GBP1: variants seen among roughly 807,000 people sequenced by gnomAD.
GBP1 encodes guanylate-binding protein 1.
GBP1 carries 64 observed loss-of-function variants against 69.5 expected under a neutral mutation model. The ratio of observed to expected loss-of-function variants is 0.92; its 90% confidence interval spans 0.75 to 1.13. The LOEUF (loss-of-function observed/expected upper bound fraction) is 1.13, where lower values mean the gene tolerates loss of function less well. Among genes scored for constraint, GBP1 ranks in the 50% most tolerant of loss-of-function variants. The pLI is 0.00. For missense variants in GBP1, 630 were observed against 704.1 expected, an observed-to-expected ratio of 0.89 and a Z score of 1.19; for synonymous variants, 250 against 261.2, an observed-to-expected ratio of 0.96 and a Z score of 0.41.
At chr1:89,064,199 ATGTGTGTGTGTGTGTGTGTGTGTGTG>A in intron 1 of GBP1, among the ~76,000 whole-genome samples, 1 of 100,812 alleles carries the variant, frequency 9.9e-6, no homozygotes, top group Non-Finnish European at 2.0e-5. Context: ...GGGGCTGGGA[ATGTGTGTGTGTGTGTGTGTGTGTGTG>A]TGTGTGTGTG....
intron 6 of GBP1, 121 bp downstream of exon 6, chr1:89,057,871 T>C (rs1680083514): frequency 9.1e-7 from 1 of 1,100,730 alleles, no homozygotes; most frequent in Non-Finnish European, 1.3e-6. Context: ...ATTGGTGCCA[T>C]CTAGAATTTA....
intron 1 of GBP1, among the ~76,000 whole-genome samples, chr1:89,063,681 A>T (rs1680260547): frequency 6.6e-6 from 1 of 152,226 alleles, no homozygotes; most frequent in South Asian, 2.1e-4. Flanking sequence ...TCATAGTTTG[A>T]TGTTTACCCT....
rs757886801 is a variant in GBP1, at chr1:89,054,689, T to C, written c.1658A>G (p.Lys553Arg). ...LKEQERTLAL[K>R]LQEQEQLLKE... ...GGTGATGCAATTAGATACCTGAAGT[T>C]TAAGAGCGAGGGTCCTCTCTTGCTC... The change falls in exon 10 of 11, where the codon AAA becomes AGA. Residue 553 changes from lysine to arginine, a missense_variant. Physicochemically the swap from Lys to Arg is conservative, Grantham distance 26 (BLOSUM62 2). Around this residue, in one of 5 missense-constraint regions of GBP1, gnomAD observed 71 missense variants for 72.7 expected, o/e 0.98. Transcript: ENST00000370473. The C allele has an allele frequency of 6.2e-7, 1 of 1,613,496 alleles. No homozygotes were observed. The highest frequency in any genetic ancestry group is 8.5e-7 in the Non-Finnish European group (1 of 1,179,610).
chr1:89,059,227 T>G, intron 4 of GBP1, 90 bp downstream of exon 4: 6 of 1,613,432 alleles, frequency 3.7e-6, no homozygotes, highest in Non-Finnish European at 5.1e-6. Flanking sequence ...CTTTTGAGCT[T>G]GATTCATCAG....
At chr1:89,053,523 AT>A in intron 10 of GBP1, 55 bp from the exon 11 acceptor site, 1 of 1,575,508 alleles carries the variant, frequency 6.3e-7, no homozygotes, top group Non-Finnish European at 8.6e-7. Flanking sequence ...AAATTGAAAC[AT>A]TCTATCTGGT....
rs1345657272 is a variant in GBP1, at chr1:89,052,504, T to A, written c.*851A>T. 1.3e-5 allele frequency: 2 copies of A among 152,166 alleles called. No homozygotes were observed. The highest frequency in any genetic ancestry group is 2.9e-5 in the Non-Finnish European group (2 of 68,030). 9.4% of individuals were successfully genotyped at this position (152,166 alleles called of 1,614,324 possible). ...AACTCAGAAAGTTTTCAAGTATGAG[T>A]GTTAAGAGTTAGAAAAGACTATCAT... On this transcript the variant is annotated 3_prime_UTR_variant, in exon 11 of 11. Coordinates refer to ENST00000370473, the MANE Select transcript of GBP1 (RefSeq NM_002053.3).
intron 5 of GBP1, 59 bp downstream of exon 5, chr1:89,058,782 A>G: frequency 1.3e-6 from 2 of 1,584,862 alleles, no homozygotes; most frequent in Non-Finnish European, 1.7e-6. Flanking sequence ...TAGTAAACTG[A>G]AAAATGATAA....
At chr1:89,057,620 T>C (rs952977026) in intron 6 of GBP1, among the ~76,000 whole-genome samples, 6 of 152,256 alleles carry the variant, frequency 3.9e-5, no homozygotes, top group African/African-American at 1.4e-4. Context: ...TATGTGCTTT[T>C]CAGTGTGCTA....
intron 7 of GBP1, 105 bp from the exon 8 acceptor site, chr1:89,056,333 A>G: frequency 1.3e-6 from 2 of 1,567,618 alleles, no homozygotes; most frequent in South Asian, 1.1e-5. Context: ...ATGATGCTGG[A>G]GAAACTGACA....
intron 2 of GBP1, 48 bp from the exon 3 acceptor site, chr1:89,060,372 T>G: frequency 6.8e-7 from 1 of 1,471,002 alleles, no homozygotes; most frequent in African/African-American, 1.4e-5. Flanking sequence ...TAACAGGCAG[T>G]TCTGGCAATT....
Position 89,053,195 on chromosome 1 carries a change from TAAGA to T in GBP1, c.*156_*159del. On this transcript the variant is annotated 3_prime_UTR_variant, in exon 11 of 11. Coordinates refer to ENST00000370473, the MANE Select transcript of GBP1 (RefSeq NM_002053.3). ...ACAATTTACAGTCTTTTTTTTTTTT[TAAGA>T]AAAAACATGATTTTGATCATTGTAC... 2.0e-6 allele frequency: 1 copy of T among 506,544 alleles called. No homozygotes were observed. Among genetic ancestry groups the T allele is most frequent in the East Asian group, 3.4e-5 (1 of 29,454 alleles). The allele number at this position is 506,544 out of a possible 1,614,324, so 31.4% of individuals were successfully genotyped here.
intron 1 of GBP1, among the ~76,000 whole-genome samples, chr1:89,064,134 G>A (rs978401275): frequency 6.6e-6 from 1 of 151,532 alleles, no homozygotes; most frequent in African/African-American, 2.4e-5. Context: ...ATTTGGTAGG[G>A]TAGGAGAAAG....
intron 6 of GBP1, 25 bp from the exon 7 acceptor site, chr1:89,057,159 T>A: frequency 6.2e-7 from 1 of 1,611,502 alleles, no homozygotes; most frequent in South Asian, 1.1e-5. Context: ...CAAATGATAA[T>A]GTTTCTGGTG....
At chr1:89,056,250 T>C (rs771912916) in intron 7 of GBP1, 22 bp from the exon 8 acceptor site, 1 of 1,613,698 alleles carries the variant, frequency 6.2e-7, no homozygotes, top group Non-Finnish European at 8.5e-7. Flanking sequence ...AAATAGGAAG[T>C]AAAAAGAGTA....
chr1:89,056,125 T>A lies in GBP1; in HGVS notation c.1259A>T (p.Glu420Val), dbSNP rs771585288. 6.2e-7 allele frequency: 1 copy of A among 1,613,982 alleles called. No homozygotes were observed. The change falls in exon 8 of 11, where the codon GAA becomes GTA. Residue 420 changes from glutamate to valine, a missense_variant. Coordinates refer to ENST00000370473, the MANE Select transcript of GBP1 (RefSeq NM_002053.3). ...LLQVIFSPLE[E>V]EVKAGIYSKP... ...CGAATAAATTCCCGCCTTCACTTCT[T>A]CTTCTAGAGGACTGAAAATGACCTG... is the stretch of plus-strand genomic sequence containing the variant.
chr1:89,057,204 A>ATG, intron 6 of GBP1, 70 bp from the exon 7 acceptor site: 1 of 1,586,330 alleles, frequency 6.3e-7, no homozygotes, highest in Non-Finnish European at 8.6e-7. Context: ...AATTCTGAGC[A>ATG]TGTCAAATAC....
chr1:89,058,625 A>G (rs1443155969), intron 5 of GBP1: 5 of 617,662 alleles, frequency 8.1e-6, no homozygotes, highest in Non-Finnish European at 1.1e-5. Flanking sequence ...CAGCATACAC[A>G]AAGGTGAAAG....
In GBP1 at chr1:89,058,106, G is replaced by T. The variant is rs748668046; in HGVS notation, c.760C>A (p.Gln254Lys). 1.2e-6 allele frequency: 2 copies of T among 1,614,176 alleles called. No individual in the cohort carries two copies. The highest frequency in any genetic ancestry group is 2.2e-5 in the South Asian group (2 of 91,084). Residue 254 changes from glutamine (Q) to lysine (K), a missense_variant, in exon 6 of 11, where the codon CAA becomes AAA. By Grantham distance (53) the Gln-to-Lys change is moderately conservative. This residue lies in a region of GBP1 where 367 missense variants were observed against 369.5 expected (regional missense o/e 0.99). Coordinates refer to ENST00000370473, the MANE Select transcript of GBP1 (RefSeq NM_002053.3). ...AATTCGGGGTCCAGCTCTTCATCTT[G>T]TAGTTTCTCGAGCTGGGCAAGCTTC... ...RRKLAQLEKL[Q>K]DEELDPEFVQ...
chr1:89,057,645 G>A (rs1297980968), intron 6 of GBP1, among the ~76,000 whole-genome samples: 1 of 152,204 alleles, frequency 6.6e-6, no homozygotes, highest in Non-Finnish European at 1.5e-5. Flanking sequence ...CTAAGTACGT[G>A]TAAATATTAG....
Sources: allele counts gnomAD v4.1 joint callset (sites outside exome capture counted in the v4.1 genomes callset), GRCh38; gene constraint gnomAD v4.1.1; regional missense constraint gnomAD v4.1.1; transcripts MANE v1.5; gene names NCBI Gene and HGNC (gene_info 2026-07-23, HGNC 2026-07-21).